TTC29: variants seen among roughly 807,000 people sequenced by gnomAD.
TTC29 encodes the protein tetratricopeptide repeat protein 29.
TTC29 carries 49 observed loss-of-function variants against 58.1 expected under a neutral mutation model. The observed-to-expected ratio is 0.84, with a 90% CI of 0.67 to 1.07. The LOEUF is 1.07. Ranked by LOEUF, TTC29 falls within the 50% of genes least tolerant of loss-of-function variation. The pLI is 0.00. For missense variants in TTC29, 582 were observed against 555.6 expected (o/e 1.05, Z -0.48); for synonymous variants, 209 against 196.8 (o/e 1.06, Z -0.52).
chr4:146,856,424 A>G (rs1197754735), intron 8 of TTC29, among the ~76,000 whole-genome samples: 7 of 152,058 alleles, frequency 4.6e-5, no homozygotes, highest in African/African-American at 7.2e-5. Flanking sequence ...TTACTAGAAA[A>G]TTTGTATTTA....
intron 7 of TTC29, among the ~76,000 whole-genome samples, chr4:146,868,300 C>A (rs887468523): frequency 1.3e-5 from 2 of 151,880 alleles, no homozygotes; most frequent in African/African-American, 2.4e-5. Context: ...TGCAGCACAC[C>A]AGCATGGCAC....
At chr4:146,723,278 C>T (rs1579524887) in intron 11 of TTC29, among the ~76,000 whole-genome samples, 1 of 151,594 alleles carries the variant, frequency 6.6e-6, no homozygotes, top group East Asian at 1.9e-4. Flanking sequence ...AGACCTCAAA[C>T]AATAAGAATC....
rs1748984828 is a variant in TTC29, at chr4:146,786,004, C to G, written c.1330+17453G>C. Among the ~76,000 whole-genome samples the G allele has an allele frequency of 2.6e-5, 4 of 151,996 alleles. No individual in the cohort carries two copies. The South Asian group carries it at 8.3e-4, about 31-fold the overall frequency. ...ATGTGTACACACACACACACACACA[C>G]ACACACTCACACACCTACAACTGAA... On this transcript the variant is annotated intron_variant, in intron 11 of 12. Transcript: ENST00000325106.
intron 6 of TTC29, among the ~76,000 whole-genome samples, chr4:146,899,045 G>C (rs1165822459): frequency 6.6e-6 from 1 of 152,186 alleles, no homozygotes; most frequent in Non-Finnish European, 1.5e-5. Flanking sequence ...ATGAATGCTG[G>C]TGTGGTAAAC....
At chr4:146,748,127 G>A (rs917388515) in intron 11 of TTC29, among the ~76,000 whole-genome samples, 15 of 152,186 alleles carry the variant, frequency 9.9e-5, no homozygotes, top group Admixed American at 4.6e-4. Flanking sequence ...AGAGTGCCCT[G>A]TTGCTTCCAG....
intron 11 of TTC29, among the ~76,000 whole-genome samples, chr4:146,737,099 C>T (rs965456951): frequency 5.9e-5 from 9 of 152,060 alleles, no homozygotes; most frequent in African/African-American, 2.2e-4. Flanking sequence ...TGCTGTTTTC[C>T]TAACAGTTTT....
intron 11 of TTC29, among the ~76,000 whole-genome samples, chr4:146,782,142 G>A (rs565129496): frequency 2.6e-5 from 4 of 151,744 alleles, no homozygotes; most frequent in African/African-American, 7.2e-5. Flanking sequence ...TTGAGAAATC[G>A]ATTTCTGGCA....
At chr4:146,786,694 GT>G (rs1359702527) in intron 11 of TTC29, among the ~76,000 whole-genome samples, 2 of 152,148 alleles carry the variant, frequency 1.3e-5, no homozygotes, top group African/African-American at 4.8e-5. Context: ...GACTAATATT[GT>G]GATAAATGTC....
intron 11 of TTC29, among the ~76,000 whole-genome samples, chr4:146,769,325 T>TA (rs1747549988): frequency 6.6e-6 from 1 of 151,984 alleles, no homozygotes; most frequent in African/African-American, 2.4e-5. Context: ...CTATATCTGA[T>TA]AAAAATCTAA....
intron 11 of TTC29, among the ~76,000 whole-genome samples, chr4:146,734,340 A>T (rs1744560402): frequency 6.6e-6 from 1 of 152,154 alleles, no homozygotes; most frequent in Admixed American, 6.6e-5. Context: ...CAGGGAGGGT[A>T]TGAAAGCTCT....
intron 11 of TTC29, among the ~76,000 whole-genome samples, chr4:146,751,816 A>G (rs1165957504): frequency 6.6e-6 from 1 of 152,190 alleles, no homozygotes; most frequent in Non-Finnish European, 1.5e-5. Flanking sequence ...ACTAAACAGA[A>G]GGAAGGAAAT....
intron 4 of TTC29, among the ~76,000 whole-genome samples, chr4:146,918,217 A>G (rs1734365095): frequency 6.6e-6 from 1 of 151,112 alleles, no homozygotes; most frequent in African/African-American, 2.4e-5. Context: ...TATATATACA[A>G]ATTGAAAAAT....
At chr4:146,922,377 A>G (rs1734652451) in intron 4 of TTC29, among the ~76,000 whole-genome samples, 1 of 151,740 alleles carries the variant, frequency 6.6e-6, no homozygotes. Context: ...GACACATAAA[A>G]TGAAAGAACT....
chr4:146,860,094 G>C (rs1283011257), intron 8 of TTC29, among the ~76,000 whole-genome samples: 2 of 152,066 alleles, frequency 1.3e-5, no homozygotes, highest in African/African-American at 4.8e-5. Context: ...CAAGGTATTT[G>C]CATATCAGCT....
intron 10 of TTC29, among the ~76,000 whole-genome samples, chr4:146,809,656 GA>G (rs869182846): frequency 2.7e-5 from 4 of 149,270 alleles, no homozygotes; most frequent in South Asian, 2.1e-4. Context: ...CCAAACATAT[GA>G]AAAAAAAGCT....
At chr4:146,747,453 G>T (rs2150043029) in intron 11 of TTC29, among the ~76,000 whole-genome samples, 1 of 152,270 alleles carries the variant, frequency 6.6e-6, no homozygotes, top group East Asian at 1.9e-4. Flanking sequence ...TCGCAGAACT[G>T]CTCCATTCAT....
At chr4:146,777,575 GTACCTATACTTTGCCAGTCC>G (rs1748205028) in intron 11 of TTC29, among the ~76,000 whole-genome samples, 1 of 152,052 alleles carries the variant, frequency 6.6e-6, no homozygotes, top group South Asian at 2.1e-4. Context: ...TACAATTCAT[GTACCTATACTTTGCCAGTCC>G]TTTCTTCTCC....
chr4:146,824,790 G>T (rs1236557928), intron 9 of TTC29, among the ~76,000 whole-genome samples: 1 of 152,110 alleles, frequency 6.6e-6, no homozygotes, highest in African/African-American at 2.4e-5. Context: ...CTTGTTATTG[G>T]TCTATTCAGG....
intron 8 of TTC29, among the ~76,000 whole-genome samples, chr4:146,839,617 C>T (rs1409046299): frequency 6.6e-6 from 1 of 151,208 alleles, no homozygotes; most frequent in East Asian, 1.9e-4. Flanking sequence ...CATGTAGCCA[C>T]CACTGCAATC....
Sources: allele counts gnomAD v4.1 joint callset (sites outside exome capture counted in the v4.1 genomes callset), GRCh38; gene constraint gnomAD v4.1.1; transcripts MANE v1.5; gene names NCBI Gene and HGNC (gene_info 2026-07-23, HGNC 2026-07-21).